Variants in FGF14 observed in about 807,000 individuals in gnomAD.
The protein encoded by FGF14 is fibroblast growth factor homologous factor 4.
FGF14 carries 5 observed loss-of-function variants against 25.5 expected under a neutral mutation model. That is an observed-to-expected ratio of 0.20 (90% CI 0.10 to 0.41). FGF14 has a LOEUF of 0.41. Ranked by LOEUF, FGF14 falls within the 10% of genes least tolerant of loss-of-function variation. The probability of loss-of-function intolerance (pLI) is 1.00; values close to 1 mark genes in which losing one functional copy is unlikely to be tolerated. For synonymous variants in FGF14, 138 were observed against 118.3 expected, an observed-to-expected ratio of 1.17 and a Z score of -1.08; for missense variants, 222 against 320.1, an observed-to-expected ratio of 0.69 and a Z score of 2.34.
chr13:102,167,953 T>C lies in FGF14; in HGVS notation c.208+233518A>G, dbSNP rs57656161. 3.3e-3 allele frequency among the ~76,000 whole-genome samples: 509 copies of C among 151,988 alleles called. 1 individual carries two copies. The highest frequency in any genetic ancestry group is 0.012 in the African/African-American group (489 of 41,464). On this transcript the variant is annotated intron_variant, in intron 1 of 4. Coordinates refer to the FGF14 transcript ENST00000376131. Reference sequence around the variant, plus strand: ...GCACACACAAACATACACACACACATCTCTAATTTAACTTTCTCGCCCTCT... The same window carrying C: ...GCACACACAAACATACACACACACACCTCTAATTTAACTTTCTCGCCCTCT...
intron 1 of FGF14, among the ~76,000 whole-genome samples, chr13:102,234,799 C>T (rs1341372959): frequency 1.3e-5 from 2 of 152,106 alleles, no homozygotes; most frequent in African/African-American, 4.8e-5. Context: ...GTCATCTCCC[C>T]AGCGATGTGT....
At chr13:102,027,591 T>C (rs1470902420) in intron 1 of FGF14, among the ~76,000 whole-genome samples, 4 of 152,106 alleles carry the variant, frequency 2.6e-5, no homozygotes, top group Admixed American at 1.3e-4. Context: ...TAGTAAGTTT[T>C]CTCAAATCTA....
At chr13:102,060,629 A>G (rs908989894) in intron 1 of FGF14, among the ~76,000 whole-genome samples, 1 of 152,236 alleles carries the variant, frequency 6.6e-6, no homozygotes, top group Non-Finnish European at 1.5e-5. Flanking sequence ...AAATGTTTTT[A>G]TCACTTTAAA....
chr13:102,378,208 A>T (rs897531760), intron 1 of FGF14, among the ~76,000 whole-genome samples: 4 of 152,158 alleles, frequency 2.6e-5, no homozygotes, highest in African/African-American at 9.7e-5. Context: ...ACTCTGAGTG[A>T]TGATGTGTCA....
At chr13:101,909,472 C>G (rs561594164) in intron 1 of FGF14, among the ~76,000 whole-genome samples, 72 of 152,208 alleles carry the variant, frequency 4.7e-4, no homozygotes, top group African/African-American at 1.7e-3. Context: ...ATTTATGCAG[C>G]CAAAAGACAC....
intron 1 of FGF14, among the ~76,000 whole-genome samples, chr13:102,381,023 A>ATAT (rs777844065): frequency 2.0e-5 from 3 of 152,224 alleles, no homozygotes; most frequent in Non-Finnish European, 4.4e-5. Context: ...TTCAGAACAC[A>ATAT]TATTAGCCTA....
Position 102,025,833 on chromosome 13 carries a change from T to C in FGF14, c.209-150537A>G, listed in dbSNP as rs117779650. Among the ~76,000 whole-genome samples the C allele has an allele frequency of 3.5e-3, 539 of 152,222 alleles. 3 individuals are homozygous for C. Among genetic ancestry groups the C allele is most frequent in the Non-Finnish European group, 5.6e-3 (378 of 67,984 alleles). On this transcript the variant is annotated intron_variant, in intron 1 of 4. Transcript: ENST00000376131. ...TAGTATATAGAAATACAATTGATTGTTCTATATTGAGCTTGTAGCCTGTAA... is the reference window on the plus strand; with the variant it reads ...TAGTATATAGAAATACAATTGATTGCTCTATATTGAGCTTGTAGCCTGTAA...
rs2034998077 is a variant in FGF14 at position 101,721,669 on chromosome 13, A to G, written c.*1162T>C. On this transcript the variant is annotated 3_prime_UTR_variant, in exon 5 of 5. Transcript: ENST00000376143. The stretch of plus-strand genomic sequence containing the variant: ...AAAAATATTAAAGTCTAATTAATTT[A>G]TAACTAACGTTTGCATTGCTGCTGC... 6.6e-6 allele frequency: 1 copy of G among 152,102 alleles called. No individual in the cohort carries two copies. The highest frequency in any genetic ancestry group is 6.6e-5 in the Admixed American group (1 of 15,266). 9.4% of individuals were successfully genotyped at this position (152,102 alleles called of 1,614,324 possible).
intron 1 of FGF14, among the ~76,000 whole-genome samples, chr13:101,955,868 C>T (rs561750214): frequency 2.6e-5 from 4 of 152,254 alleles, no homozygotes; most frequent in African/African-American, 4.8e-5. Context: ...CTTCATTAAC[C>T]GAATTTTTTA....
At chr13:101,791,478 A>G (rs2140092502) in intron 3 of FGF14, among the ~76,000 whole-genome samples, 1 of 152,248 alleles carries the variant, frequency 6.6e-6, no homozygotes, top group Middle Eastern at 3.4e-3. Context: ...TCATTTGACA[A>G]ATGTTTCAAG....
At chr13:101,789,961 T>G (rs1343190767) in intron 3 of FGF14, among the ~76,000 whole-genome samples, 2 of 151,826 alleles carry the variant, frequency 1.3e-5, no homozygotes, top group Non-Finnish European at 2.9e-5. Flanking sequence ...TTGCAAATAA[T>G]GTATACTGAA....
At chr13:102,254,768 T>C (rs904554412) in intron 1 of FGF14, among the ~76,000 whole-genome samples, 21 of 152,176 alleles carry the variant, frequency 1.4e-4, no homozygotes, top group African/African-American at 5.1e-4. Context: ...ACTAAAAATG[T>C]ACTAGACATT....
intron 3 of FGF14, among the ~76,000 whole-genome samples, chr13:101,855,950 TG>T (rs2044107836): frequency 6.6e-6 from 1 of 151,560 alleles, no homozygotes; most frequent in Non-Finnish European, 1.5e-5. Context: ...CCAATTCTTC[TG>T]TCTATCCACT....
chr13:102,220,624 T>C (rs1394469311), intron 1 of FGF14, among the ~76,000 whole-genome samples: 1 of 152,244 alleles, frequency 6.6e-6, no homozygotes, highest in African/African-American at 2.4e-5. Context: ...GATCACGTTC[T>C]TGCTTTAAAA....
chr13:101,816,461 C>G (rs1306267702), intron 3 of FGF14, among the ~76,000 whole-genome samples: 1 of 151,946 alleles, frequency 6.6e-6, no homozygotes, highest in Non-Finnish European at 1.5e-5. Flanking sequence ...AAGAAAATAG[C>G]AACTTATTCC....
intron 1 of FGF14, among the ~76,000 whole-genome samples, chr13:102,345,108 G>C (rs966559807): frequency 6.6e-6 from 1 of 152,062 alleles, no homozygotes; most frequent in East Asian, 1.9e-4. Context: ...TAAACATCTG[G>C]GGAAAATCAC....
chr13:101,785,905 T>A (rs1356936704), intron 3 of FGF14, among the ~76,000 whole-genome samples: 1 of 152,212 alleles, frequency 6.6e-6, no homozygotes, highest in African/African-American at 2.4e-5. Context: ...CATAGAGTGA[T>A]CACTGCATTT....
intron 2 of FGF14, among the ~76,000 whole-genome samples, chr13:101,872,009 A>G (rs966787467): frequency 1.3e-5 from 2 of 151,784 alleles, no homozygotes; most frequent in Non-Finnish European, 2.9e-5. Context: ...CCTCTTCTTA[A>G]TTCATCTGAA....
intron 3 of FGF14, among the ~76,000 whole-genome samples, chr13:101,843,328 A>G (rs1471498352): frequency 6.6e-6 from 1 of 151,958 alleles, no homozygotes; most frequent in Non-Finnish European, 1.5e-5. Flanking sequence ...ACAATTTCAT[A>G]TTGCTACATC....
Sources: allele counts gnomAD v4.1 joint callset (sites outside exome capture counted in the v4.1 genomes callset), GRCh38; gene constraint gnomAD v4.1.1; transcripts MANE v1.5; gene names NCBI Gene and HGNC (gene_info 2026-07-23, HGNC 2026-07-21).